The following CCDC47 variants were observed in gnomAD, a reference collection of about 807,000 sequenced individuals.
CCDC47 encodes coiled-coil domain containing 47.
CCDC47 carries 41 observed loss-of-function variants against 60.5 expected under a neutral mutation model. The observed-to-expected ratio is 0.68, with a 90% CI of 0.53 to 0.88. CCDC47 has a LOEUF of 0.88. Ranked by LOEUF, CCDC47 falls within the 40% of genes least tolerant of loss-of-function variation. The probability of loss-of-function intolerance (pLI) is 0.00; values close to 1 mark genes in which losing one functional copy is unlikely to be tolerated. For missense variants in CCDC47, 513 were observed against 580.9 expected (o/e 0.88, Z 1.20); for synonymous variants, 195 against 190.7 (o/e 1.02, Z -0.18).
intron 12 of CCDC47, among the ~76,000 whole-genome samples, chr17:63,749,861 G>C (rs1233821506): frequency 6.6e-6 from 1 of 151,934 alleles, no homozygotes; most frequent in Non-Finnish European, 1.5e-5. Context: ...AGGCCGAAGC[G>C]GGAGGATGGC....
In CCDC47 at chr17:63,756,430, C is replaced by A. The variant is rs142780695; in HGVS notation, c.837+39G>T. 2.3e-5 allele frequency: 37 copies of A among 1,581,062 alleles called. No homozygotes were observed. In the African/African-American group the frequency reaches 3.2e-4, roughly 14 times the overall value. On this transcript the variant is annotated intron_variant, in intron 7 of 12. Transcript: ENST00000225726. ...TGAATATGTGTGTGCTAAGGAGACACAGTTCTACGTATATTTGAGTTGGAG... is the reference window on the plus strand; with the variant it reads ...TGAATATGTGTGTGCTAAGGAGACAAAGTTCTACGTATATTTGAGTTGGAG...
chr17:63,764,824 T>A lies in CCDC47; in HGVS notation c.288A>T (p.Pro96=). Reference sequence around the variant, plus strand: ...AACCTTCAAATTCTTCATCATCATATGGTTCACTCTCAGTATCTCCCTCCT... The same window carrying A: ...AACCTTCAAATTCTTCATCATCATAAGGTTCACTCTCAGTATCTCCCTCCT... The part of the protein sequence containing the change: ...DTQEGDTESE[P]YDDEEFEGYE... The change falls in exon 3 of 13, where the codon CCA becomes CCT. Residue 96 remains proline (P), a synonymous_variant. Coordinates refer to ENST00000225726, the MANE Select transcript of CCDC47 (RefSeq NM_020198.3). The A allele has an allele frequency of 6.2e-7, 1 of 1,613,278 alleles. No homozygotes were observed. Among genetic ancestry groups the A allele is most frequent in the South Asian group, 1.1e-5 (1 of 90,878 alleles).
chr17:63,766,257 A>T (rs1451674605), intron 1 of CCDC47, 63 bp from the exon 2 acceptor site: 14 of 1,439,684 alleles, frequency 9.7e-6, no homozygotes, highest in African/African-American at 1.4e-5. Flanking sequence ...AGATTTTATA[A>T]ACAGTAAAAA....
chr17:63,770,832 C>T (rs778521066), intron 1 of CCDC47, among the ~76,000 whole-genome samples: 2 of 150,558 alleles, frequency 1.3e-5, no homozygotes, highest in Non-Finnish European at 3.0e-5. Context: ...CTAAAAATAC[C>T]AAAAAATTAG....
chr17:63,771,247 T>C (rs1204931225), intron 1 of CCDC47, among the ~76,000 whole-genome samples: 1 of 151,782 alleles, frequency 6.6e-6, no homozygotes, highest in Non-Finnish European at 1.5e-5. Context: ...ACAATTAAAT[T>C]AGGTATTATA....
intron 5 of CCDC47, 119 bp from the exon 6 acceptor site, chr17:63,761,098 A>G: frequency 7.2e-7 from 1 of 1,388,120 alleles, no homozygotes; most frequent in East Asian, 2.3e-5. Context: ...TTTGCCAGTT[A>G]GTATAAATAT....
chr17:63,747,363 T>C (rs1598303599), intron 12 of CCDC47: 2 of 984,208 alleles, frequency 2.0e-6, no homozygotes, highest in East Asian at 2.3e-4. Context: ...GTTCAATAAA[T>C]TTTAAGAATC....
intron 4 of CCDC47, among the ~76,000 whole-genome samples, chr17:63,763,434 AG>A (rs2039274836): frequency 6.6e-6 from 1 of 152,156 alleles, no homozygotes; most frequent in Non-Finnish European, 1.5e-5. Flanking sequence ...CTAAGATGGA[AG>A]GATCTCTTGA....
intron 6 of CCDC47, among the ~76,000 whole-genome samples, chr17:63,758,561 T>C (rs1159934250): frequency 2.0e-5 from 3 of 152,118 alleles, no homozygotes; most frequent in Non-Finnish European, 4.4e-5. Flanking sequence ...TTATTATTAT[T>C]GAATTCAATT....
At chr17:63,754,861 C>T (rs1377769458) in intron 8 of CCDC47, among the ~76,000 whole-genome samples, 1 of 143,574 alleles carries the variant, frequency 7.0e-6, no homozygotes, top group Non-Finnish European at 1.5e-5. Context: ...CCGGTCTGGG[C>T]GACAGAGCAA....
At chr17:63,752,262 C>G (rs2039172399) in intron 11 of CCDC47, 58 bp downstream of exon 11, 19 of 1,438,236 alleles carry the variant, frequency 1.3e-5, no homozygotes, top group Non-Finnish European at 1.8e-5. Flanking sequence ...GCTGCCCTCC[C>G]CCTTGAGAAG....
chr17:63,747,816 GTAAATTCCTGGTTTGGGAAC>G (rs1568244663), intron 12 of CCDC47: 6 of 983,674 alleles, frequency 6.1e-6, no homozygotes, highest in Admixed American at 6.2e-5. Context: ...AGGGTGATTT[GTAAATTCCTGGTTTGGGAAC>G]TATTGACTGT....
intron 9 of CCDC47, among the ~76,000 whole-genome samples, chr17:63,753,959 A>G (rs1250017370): frequency 6.6e-6 from 1 of 152,188 alleles, no homozygotes; most frequent in Non-Finnish European, 1.5e-5. Context: ...TACAAAAATT[A>G]GCCGAGCGTG....
In CCDC47 at chr17:63,759,555, A is replaced by ATATT. The variant is rs2039239212; in HGVS notation, c.735+1358_735+1359insAATA. On this transcript the variant is annotated intron_variant, in intron 6 of 12. Transcript: ENST00000225726. ...TATATATATATATATATATATATATATATATATATATATATATATATAAAA... is the reference window on the plus strand; with the variant it reads ...TATATATATATATATATATATATATATATTTATATATATATATATATATATAAAA... Among the ~76,000 whole-genome samples, 7 of 76,540 alleles carry ATATT rather than the reference A, an allele frequency of 9.1e-5. 1 individual carries two copies. Among genetic ancestry groups the ATATT allele is most frequent in the Non-Finnish European group, 1.8e-4 (7 of 39,968 alleles). The allele number at this position is 76,540 out of a possible 152,430, so 50.2% of individuals were successfully genotyped here.
Position 63,756,567 on chromosome 17 carries a change from T to C in CCDC47, c.739A>G (p.Ile247Val), listed in dbSNP as rs2039208849. 1 of 1,611,076 alleles carries C rather than the reference T, an allele frequency of 6.2e-7. No homozygotes were observed. ...TCTTCATCATTCATGGTTACTTTTATTTGCTTTTAAAAAAATGTAAAAAAC... is the reference window on the plus strand; with the variant it reads ...TCTTCATCATTCATGGTTACTTTTACTTGCTTTTAAAAAAATGTAAAAAAC... ...MMRPVSDQVQ[I>V]KVTMNDEDMD... Residue 247 changes from isoleucine (I) to valine (V), a missense_variant, in exon 7 of 13, where the codon ATA becomes GTA. Physicochemically the swap from Ile to Val is conservative, Grantham distance 29. Coordinates refer to ENST00000225726, the MANE Select transcript of CCDC47 (RefSeq NM_020198.3).
chr17:63,751,822 C>T, intron 12 of CCDC47, 118 bp downstream of exon 12: 3 of 1,094,176 alleles, frequency 2.7e-6, no homozygotes, highest in Non-Finnish European at 4.2e-6. Context: ...GATACAATGT[C>T]CCAAATGTTG....
chr17:63,753,137 G>T, intron 9 of CCDC47: 1 of 435,490 alleles, frequency 2.3e-6, no homozygotes, highest in South Asian at 9.7e-5. Flanking sequence ...TGCTTATTTT[G>T]ATGCATTTTT....
At chr17:63,765,204 T>C (rs1192832335) in intron 2 of CCDC47, 2 of 153,246 alleles carry the variant, frequency 1.3e-5, no homozygotes, top group African/African-American at 4.8e-5. Context: ...CTTCATATTG[T>C]ATGTAGAGGT....
chr17:63,756,642 CT>C, intron 6 of CCDC47, 72 bp from the exon 7 acceptor site: 1 of 1,014,536 alleles, frequency 9.9e-7, no homozygotes, highest in Non-Finnish European at 1.5e-6. Context: ...CTAAATGACC[CT>C]TAAGATTCCC....
Sources: gnomAD v4.1 joint callset for allele counts (sites outside exome capture counted in the v4.1 genomes callset) on GRCh38, gnomAD v4.1.1 for gene constraint, MANE v1.5 for transcripts, NCBI Gene and HGNC (gene_info 2026-07-23, HGNC 2026-07-21) for gene names.